The following CAB39 variants were observed in gnomAD, a reference collection of about 807,000 sequenced individuals.
CAB39 encodes the protein calcium binding protein 39, also known as calcium-binding protein 39.
CAB39 carries 8 observed loss-of-function variants against 40.0 expected under a neutral mutation model. The ratio of observed to expected loss-of-function variants is 0.20; its 90% CI spans 0.12 to 0.36. The LOEUF is 0.36. Among genes scored for constraint, CAB39 ranks in the 10% least tolerant of loss-of-function variants. The pLI is 1.00. For synonymous variants in CAB39, 156 were observed against 141.6 expected (o/e 1.10, Z -0.72); for missense variants, 270 against 401.1 (o/e 0.67, Z 2.79).
chr2:230,732,577 A>G (rs912430587), intron 1 of CAB39, among the ~76,000 whole-genome samples: 2 of 152,206 alleles, frequency 1.3e-5, no homozygotes, highest in African/African-American at 4.8e-5. Flanking sequence ...GTCTAGGGTC[A>G]TGTATGTAAA....
At chr2:230,727,363 C>CGTGTGTGTGTGTGTGTGTGTGT (rs10542723) in intron 1 of CAB39, among the ~76,000 whole-genome samples, 13 of 126,946 alleles carry the variant, frequency 1.0e-4, no homozygotes, top group African/African-American at 3.5e-4. Flanking sequence ...GATTGTTAAC[C>CGTGTGTGTGTGTGTGTGTGTGT]GTGTGTGTGT....
At chr2:230,745,707 A>G (rs757426209) in intron 1 of CAB39, among the ~76,000 whole-genome samples, 1 of 151,358 alleles carries the variant, frequency 6.6e-6, no homozygotes, top group Non-Finnish European at 1.5e-5. Flanking sequence ...GCTCACGGCA[A>G]CCTCCACCTC....
intron 6 of CAB39, 27 bp downstream of exon 6, chr2:230,810,349 A>G (rs773864151): frequency 1.7e-4 from 150 of 858,094 alleles, no homozygotes; most frequent in Non-Finnish European, 2.4e-4. Flanking sequence ...CTATTTTTAA[A>G]TAATAAATTG....
At chr2:230,745,730 G>A (rs1453237513) in intron 1 of CAB39, among the ~76,000 whole-genome samples, 3 of 151,988 alleles carry the variant, frequency 2.0e-5, no homozygotes, top group Non-Finnish European at 2.9e-5. Flanking sequence ...GGGTTAAAGC[G>A]ATTCTCCTGC....
At position 230,817,948 on chromosome 2, in the gene CAB39, C is replaced by CT. The variant is rs771223340; in HGVS notation, c.837+54dup. 4.0e-6 allele frequency: 6 copies of CT among 1,505,490 alleles called. No individual in the cohort carries two copies. The Admixed American group carries it at 1.3e-4, about 33-fold the overall frequency. The allele number at this position is 1,505,490 out of a possible 1,614,324, so 93.3% of individuals were successfully genotyped here. A position where few individuals can be genotyped will look rare whatever the true frequency, so the allele number is the denominator to read the frequency against. On this transcript the variant is annotated intron_variant, in intron 8 of 8. Coordinates refer to ENST00000258418, the MANE Select transcript of CAB39 (RefSeq NM_016289.4). ...ACTGTCCACTGGAATTGTTCGTCGT[C>CT]TTTCATTCGCAAATAACGGAAATTA...
chr2:230,783,858 C>G (rs1468835045), intron 2 of CAB39, among the ~76,000 whole-genome samples: 2 of 152,172 alleles, frequency 1.3e-5, no homozygotes, highest in Non-Finnish European at 2.9e-5. Context: ...CATCACATTT[C>G]TCTACATCCA....
chr2:230,746,893 A>G (rs1017734998), intron 1 of CAB39, among the ~76,000 whole-genome samples: 1 of 152,200 alleles, frequency 6.6e-6, no homozygotes, highest in Non-Finnish European at 1.5e-5. Flanking sequence ...AGAATATAAA[A>G]TGACTGTTAA....
chr2:230,765,206 G>C (rs1358278855), intron 2 of CAB39, among the ~76,000 whole-genome samples: 2 of 152,130 alleles, frequency 1.3e-5, no homozygotes, highest in African/African-American at 4.8e-5. Flanking sequence ...GGCCAGGATG[G>C]TCTCGATCTC....
chr2:230,721,652 G>T (rs1434420149), intron 1 of CAB39, among the ~76,000 whole-genome samples: 1 of 152,176 alleles, frequency 6.6e-6, no homozygotes, highest in Non-Finnish European at 1.5e-5. Context: ...GTCTTAGAGA[G>T]ATTAGTTGTT....
intron 1 of CAB39, among the ~76,000 whole-genome samples, chr2:230,733,303 C>A (rs373866159): frequency 9.9e-4 from 149 of 150,920 alleles, no homozygotes; most frequent in African/African-American, 3.5e-3. Context: ...GTTTTTTGAC[C>A]CCCTCCTCTC....
Position 230,818,664 on chromosome 2 carries a change from A to G in CAB39, c.986A>G (p.Gln329Arg). 6.2e-7 allele frequency: 1 copy of G among 1,614,182 alleles called. No homozygotes were observed. The highest frequency in any genetic ancestry group is 1.3e-5 in the African/African-American group (1 of 75,062). The change falls in exon 9 of 9, where the codon CAG becomes CGG. Residue 329 changes from glutamine (Q) to arginine (R), a missense_variant. Gln to Arg is a conservative substitution (Grantham distance 43, BLOSUM62 1). Coordinates refer to ENST00000258418, the MANE Select transcript of CAB39 (RefSeq NM_016289.4). ...FNDEKTYLVK[Q>R]IRDLKRPAQQ... The stretch of plus-strand genomic sequence containing the variant: ...GACGAGAAGACCTATTTAGTTAAAC[A>G]GATCAGGGATTTGAAGAGACCAGCT...
chr2:230,789,607 A>G lies in CAB39; in HGVS notation c.115-1265A>G, dbSNP rs532532925. On this transcript the variant is annotated intron_variant, in intron 2 of 8. Transcript: ENST00000258418. ...TATTTCCAGCCCCATGTGAGCTCCA[A>G]GGTTCTGGTTCCTAGCCTTGGCTAC... Among the ~76,000 whole-genome samples the G allele has an allele frequency of 2.6e-5, 4 of 152,312 alleles. No individual in the cohort carries two copies. In the East Asian group the frequency reaches 5.8e-4, roughly 22 times the overall value.
chr2:230,806,472 G>A (rs765189063), intron 5 of CAB39, among the ~76,000 whole-genome samples: 2 of 152,078 alleles, frequency 1.3e-5, no homozygotes, highest in Non-Finnish European at 2.9e-5. Context: ...CATTCCAGGC[G>A]CTACACTTTA....
chr2:230,810,341 AT>A lies in CAB39; in HGVS notation c.627+24del. On this transcript the variant is annotated intron_variant, in intron 6 of 8. Transcript: ENST00000258418. ...TGATAGAGTAAGTATATGAAATACT[AT>A]TTTTAAATAATAAATTGTAACTTTT... 1.1e-6 allele frequency: 1 copy of A among 915,308 alleles called. No homozygotes were observed. Among genetic ancestry groups the A allele is most frequent in the Non-Finnish European group, 1.6e-6 (1 of 610,720 alleles). The allele number at this position is 915,308 out of a possible 1,614,324, so 56.7% of individuals were successfully genotyped here.
intron 5 of CAB39, chr2:230,799,118 T>C (rs1284981818): frequency 1.3e-5 from 6 of 446,990 alleles, no homozygotes; most frequent in Non-Finnish European, 2.4e-5. Flanking sequence ...ACAAAAGTCC[T>C]GTGTGGTCAA....
chr2:230,741,192 G>A (rs969309746), intron 1 of CAB39, among the ~76,000 whole-genome samples: 1 of 152,184 alleles, frequency 6.6e-6, no homozygotes, highest in African/African-American at 2.4e-5. Context: ...TAATTGTGGT[G>A]CAGATTCAAT....
intron 7 of CAB39, among the ~76,000 whole-genome samples, chr2:230,816,306 C>A (rs923343277): frequency 1.3e-5 from 2 of 152,216 alleles, no homozygotes; most frequent in Non-Finnish European, 2.9e-5. Context: ...TTGAAGTCAT[C>A]TTCCTTCAGA....
intron 1 of CAB39, among the ~76,000 whole-genome samples, chr2:230,727,459 C>T (rs1397401264): frequency 4.1e-5 from 6 of 147,230 alleles, no homozygotes; most frequent in African/African-American, 7.6e-5. Flanking sequence ...CTATCACCCA[C>T]GCTGGAGTGC....
intron 1 of CAB39, among the ~76,000 whole-genome samples, chr2:230,720,786 G>GT (rs1694436452): frequency 6.6e-6 from 1 of 152,076 alleles, no homozygotes; most frequent in Admixed American, 6.6e-5. Flanking sequence ...CAGTAAACAA[G>GT]TTTTTTCCTG....
Sources: allele counts gnomAD v4.1 joint callset (sites outside exome capture counted in the v4.1 genomes callset), GRCh38; gene constraint gnomAD v4.1.1; transcripts MANE v1.5; gene names NCBI Gene and HGNC (gene_info 2026-07-23, HGNC 2026-07-21).